Variants in WDR12 observed in about 807,000 individuals in gnomAD.
The protein encoded by WDR12 is WD repeat domain 12, also known as ribosome biogenesis protein WDR12.
A neutral mutation model predicts 64.3 loss-of-function variants in WDR12; 42 were observed. That is an observed-to-expected ratio of 0.65 (90% CI 0.51 to 0.84). The LOEUF (loss-of-function observed/expected upper bound fraction) is 0.84. WDR12 is among the 40% of genes least tolerant of loss of function. WDR12 has a pLI of 0.00. For missense variants in WDR12, 469 were observed against 494.6 expected (o/e 0.95, Z 0.49); for synonymous variants, 158 against 173.3 (o/e 0.91, Z 0.70).
rs759025989 is a variant in WDR12 at position 202,882,856 on chromosome 2, C to T, written c.1122-73G>A. On this transcript the variant is annotated intron_variant, in intron 11 of 12. Transcript: ENST00000261015. Reference sequence around the variant, plus strand: ...ACAAACATTTGAATAATCACTTATACTTATCTGAAAACTTTACAGGGTTTA... The same window carrying T: ...ACAAACATTTGAATAATCACTTATATTTATCTGAAAACTTTACAGGGTTTA... The T allele has an allele frequency of 7.9e-4, 1,178 of 1,493,188 alleles. 1 individual carries two copies. The highest frequency in any genetic ancestry group is 9.9e-4 in the Non-Finnish European group (1,066 of 1,077,744). 92.5% of individuals were successfully genotyped at this position (1,493,188 alleles called of 1,614,324 possible).
In WDR12 at chr2:202,882,722, T is replaced by C; in HGVS notation, c.1183A>G (p.Thr395Ala). 6.2e-7 allele frequency: 1 copy of C among 1,613,930 alleles called. No individual in the cohort carries two copies. The highest frequency in any genetic ancestry group is 8.5e-7 in the Non-Finnish European group (1 of 1,179,814). Residue 395 changes from threonine to alanine, a missense_variant, in exon 12 of 13, where the codon ACA becomes GCA. Thr to Ala is a moderately conservative substitution (Grantham distance 58). Transcript: ENST00000261015. Reference sequence around the variant, plus strand: ...TAATAAATTCTTACCCCTGTGTCTGTCCAGTCTACACTCAGAACTTTGTCT... The same window carrying C: ...TAATAAATTCTTACCCCTGTGTCTGCCCAGTCTACACTCAGAACTTTGTCT... ...HEDKVLSVDW[T>A]DTGLLLSGGA...
intron 7 of WDR12, 60 bp downstream of exon 7, chr2:202,894,521 C>A (rs1353180483): frequency 1.2e-5 from 17 of 1,465,214 alleles, no homozygotes; most frequent in Non-Finnish European, 1.6e-5. Context: ...CATATAGCCT[C>A]CGAATTTAAA....
chr2:202,896,832 C>T (rs1294402775), intron 5 of WDR12, among the ~76,000 whole-genome samples: 1 of 151,708 alleles, frequency 6.6e-6, no homozygotes, highest in Non-Finnish European at 1.5e-5. Context: ...ACTAAAAATA[C>T]AAAAATTAGC....
At chr2:202,894,750 T>C (rs1688210044) in intron 6 of WDR12, 124 bp from the exon 7 acceptor site, 1 of 754,960 alleles carries the variant, frequency 1.3e-6, no homozygotes, top group East Asian at 3.2e-5. Flanking sequence ...GAACTGAAAT[T>C]AGCCTTTTTC....
chr2:202,896,545 G>A (rs1347250084), intron 5 of WDR12, among the ~76,000 whole-genome samples: 2 of 152,092 alleles, frequency 1.3e-5, no homozygotes, highest in Non-Finnish European at 2.9e-5. Flanking sequence ...ATAAAAATTA[G>A]CCGGGTGTGG....
chr2:202,890,269 T>C (rs1347359107), intron 8 of WDR12, among the ~76,000 whole-genome samples: 1 of 151,910 alleles, frequency 6.6e-6, no homozygotes, highest in Admixed American at 6.6e-5. Flanking sequence ...TGCAATGGAA[T>C]GCCATATATT....
intron 8 of WDR12, among the ~76,000 whole-genome samples, chr2:202,885,669 A>G (rs936732448): frequency 6.6e-6 from 1 of 152,208 alleles, no homozygotes; most frequent in Non-Finnish European, 1.5e-5. Flanking sequence ...CAGTTCACTT[A>G]TTAATACTCC....
chr2:202,898,303 G>A (rs1261330339), intron 4 of WDR12, among the ~76,000 whole-genome samples: 9 of 151,968 alleles, frequency 5.9e-5, no homozygotes, highest in Admixed American at 3.9e-4. Context: ...GGCACAGACC[G>A]CCATACCTGG....
chr2:202,905,296 C>A (rs1688433705), intron 2 of WDR12, among the ~76,000 whole-genome samples: 1 of 152,206 alleles, frequency 6.6e-6, no homozygotes, highest in Non-Finnish European at 1.5e-5. Context: ...CAGGCACCTG[C>A]CACCATGCCT....
chr2:202,896,030 T>C (rs1334388636), intron 6 of WDR12, 35 bp downstream of exon 6: 1 of 1,592,308 alleles, frequency 6.3e-7, no homozygotes. Flanking sequence ...CAAATTCAAA[T>C]TTAACAGAGT....
At chr2:202,908,496 T>A (rs1217921176) in intron 1 of WDR12, among the ~76,000 whole-genome samples, 1 of 151,974 alleles carries the variant, frequency 6.6e-6, no homozygotes, top group South Asian at 2.1e-4. Flanking sequence ...GAGGGAAGGG[T>A]AGGCTGGAAG....
intron 2 of WDR12, among the ~76,000 whole-genome samples, chr2:202,905,978 T>A (rs1688450351): frequency 6.6e-6 from 1 of 152,200 alleles, no homozygotes; most frequent in Non-Finnish European, 1.5e-5. Flanking sequence ...ACTGGATGAC[T>A]ATAGTCAATA....
At chr2:202,904,138 C>CAAAAAAAAAAAAAAAAAAAAAAAAAAAA (rs34378996) in intron 2 of WDR12, among the ~76,000 whole-genome samples, 4 of 38,534 alleles carry the variant, frequency 1.0e-4, no homozygotes, top group Non-Finnish European at 1.6e-4. Flanking sequence ...AACTCTGTCT[C>CAAAAAAAAAAAAAAAAAAAAAAAAAAAA]AAAAAAAAAA....
chr2:202,882,670 T>G, intron 12 of WDR12, 41 bp downstream of exon 12: 1 of 1,579,472 alleles, frequency 6.3e-7, no homozygotes, highest in Non-Finnish European at 8.7e-7. Context: ...AGATTTATTC[T>G]AGTCACTTTC....
At chr2:202,898,548 T>C (rs1688293174) in intron 4 of WDR12, among the ~76,000 whole-genome samples, 1 of 152,200 alleles carries the variant, frequency 6.6e-6, no homozygotes, top group African/African-American at 2.4e-5. Context: ...CAAGAAGGCA[T>C]TCTTTGAAAG....
intron 2 of WDR12, among the ~76,000 whole-genome samples, chr2:202,901,988 C>G (rs758069821): frequency 2.0e-5 from 3 of 152,118 alleles, no homozygotes; most frequent in Non-Finnish European, 4.4e-5. Flanking sequence ...TTATATCAGT[C>G]TGATTCTATC....
At chr2:202,888,044 T>TA (rs763434632) in intron 8 of WDR12, among the ~76,000 whole-genome samples, 24 of 152,336 alleles carry the variant, frequency 1.6e-4, no homozygotes, top group Non-Finnish European at 2.6e-4. Flanking sequence ...TAGTTTTACT[T>TA]ATAACTGCCA....
intron 12 of WDR12, 115 bp from the exon 13 acceptor site, chr2:202,881,052 G>T: frequency 1.1e-6 from 1 of 876,430 alleles, no homozygotes. Flanking sequence ...TTATGGGTGA[G>T]CAGTTAACTT....
intron 1 of WDR12, among the ~76,000 whole-genome samples, chr2:202,909,782 A>ATTATTTATTTATTTATTTATTTAT (rs368055241): frequency 6.6e-6 from 1 of 150,774 alleles, no homozygotes; most frequent in Non-Finnish European, 1.5e-5. Context: ...CAAGAATTTT[A>ATTATTTATTTATTTATTTATTTAT]TTATTTATTT....
Sources: gnomAD v4.1 joint callset for allele counts (sites outside exome capture counted in the v4.1 genomes callset) on GRCh38, gnomAD v4.1.1 for gene constraint, MANE v1.5 for transcripts, NCBI Gene and HGNC (gene_info 2026-07-23, HGNC 2026-07-21) for gene names.